Variants in NSG1 observed in about 807,000 individuals in gnomAD.
NSG1 encodes neuronal vesicle trafficking-associated protein 1.
Under a neutral mutation model 19.3 loss-of-function variants are expected in NSG1, and 9 were observed. The observed-to-expected ratio is 0.47, with a 90% CI of 0.28 to 0.81. The LOEUF (loss-of-function observed/expected upper bound fraction) is 0.81, where lower values mean the gene tolerates loss of function less well. Among genes scored for constraint, NSG1 ranks in the 40% least tolerant of loss-of-function variants. The pLI, the probability that NSG1 is intolerant of heterozygous loss-of-function variation, is 0.11. For synonymous variants in NSG1, 104 were observed against 107.0 expected, an observed-to-expected ratio of 0.97 and a Z score of 0.17; for missense variants, 236 against 242.4, an observed-to-expected ratio of 0.97 and a Z score of 0.18.
At chr4:4,408,186 G>A (rs962332591) in intron 3 of NSG1, among the ~76,000 whole-genome samples, 14 of 152,078 alleles carry the variant, frequency 9.2e-5, no homozygotes, top group South Asian at 4.1e-4. Context: ...GTTGAGCTTC[G>A]GGACTGCAGC....
At chr4:4,387,560 C>CCCGGG in intron 1 of NSG1, 44 bp from the exon 2 acceptor site, 1 of 1,148,802 alleles carries the variant, frequency 8.7e-7, no homozygotes, top group Non-Finnish European at 1.2e-6. Context: ...CCGCCCCGCC[C>CCCGGG]CGGGTCTTGC....
rs1319335068 is a variant in NSG1, at chr4:4,418,173, T to A, written c.*738T>A. The A allele has an allele frequency of 6.5e-6, 1 of 152,802 alleles. No individual in the cohort carries two copies. The highest frequency in any genetic ancestry group is 1.5e-5 in the Non-Finnish European group (1 of 68,528). 9.5% of individuals were successfully genotyped at this position (152,802 alleles called of 1,614,324 possible). A position where few individuals can be genotyped will look rare whatever the true frequency, so the allele number is the denominator to read the frequency against. On this transcript the variant is annotated 3_prime_UTR_variant, in exon 5 of 5. Transcript: ENST00000621129. Reference sequence around the variant, plus strand: ...GGAGAGGGCTGGGAAGAGACGGCCCTGGGCCCGTGAGGTGCAGAACTCTCC... The same window carrying A: ...GGAGAGGGCTGGGAAGAGACGGCCCAGGGCCCGTGAGGTGCAGAACTCTCC...
chr4:4,402,394 T>A (rs1394609325), intron 3 of NSG1, among the ~76,000 whole-genome samples: 41 of 109,196 alleles, frequency 3.8e-4, no homozygotes, highest in Non-Finnish European at 5.8e-4. Flanking sequence ...TTTTTTTTTT[T>A]TTTTTTTTTT....
At chr4:4,416,278 A>G in intron 4 of NSG1, 1 of 697,206 alleles carries the variant, frequency 1.4e-6, no homozygotes, top group Non-Finnish European at 2.6e-6. Context: ...GCCCCTGAAC[A>G]CTGGATGCGG....
Position 4,409,732 on chromosome 4 carries a change from T to C in NSG1, c.357+49T>C, listed in dbSNP as rs769940453. On this transcript the variant is annotated intron_variant, in intron 4 of 4. Coordinates refer to ENST00000621129, the MANE Select transcript of NSG1 (RefSeq NM_014392.5). ...GGCCCTGGGACGCCTTTGCACCCCA[T>C]GTTCTCTCCCTTGAACTCAAGGCTG... The C allele has an allele frequency of 1.7e-5, 25 of 1,431,430 alleles. 1 individual carries two copies. The Admixed American group carries it at 2.0e-4, about 12-fold the overall frequency. 88.7% of individuals were successfully genotyped at this position (1,431,430 alleles called of 1,614,324 possible). A position where few individuals can be genotyped will look rare whatever the true frequency, so the allele number is the denominator to read the frequency against.
rs1444250217 is a variant in NSG1, at chr4:4,388,255, T to C, written c.129+497T>C. 2.6e-5 allele frequency among the ~76,000 whole-genome samples: 4 copies of C among 152,206 alleles called. No individual in the cohort carries two copies. In the South Asian group the frequency reaches 6.2e-4, roughly 24 times the overall value. On this transcript the variant is annotated intron_variant, in intron 2 of 4. Transcript: ENST00000621129. The stretch of plus-strand genomic sequence containing the variant: ...TGTTCTCGCCCTTTCTGCCTGCCCC[T>C]GCCAGGCTGGCGCTAGGTGCAGGAG...
At chr4:4,410,347 G>A (rs747411801) in intron 4 of NSG1, among the ~76,000 whole-genome samples, 9 of 152,194 alleles carry the variant, frequency 5.9e-5, no homozygotes, top group East Asian at 1.9e-4. Flanking sequence ...AAGAGAAGAC[G>A]GAGCCAGGGG....
At chr4:4,396,936 C>A (rs1347476503) in intron 3 of NSG1, among the ~76,000 whole-genome samples, 4 of 152,068 alleles carry the variant, frequency 2.6e-5, no homozygotes, top group Non-Finnish European at 5.9e-5. Flanking sequence ...GCTATGCGAG[C>A]ATCTTGTAGG....
rs1724609831 is a variant in NSG1, at chr4:4,417,271, T to C, written c.394T>C (p.Tyr132His). The C allele has an allele frequency of 6.2e-7, 1 of 1,614,176 alleles. No individual in the cohort carries two copies. The highest frequency in any genetic ancestry group is 1.7e-5 in the Admixed American group (1 of 60,024). ...CATCCCAGAAGGCTTGGAGAGCTAC[T>C]ACGCGGAGCAAGACTCCAGTGCCCG... ...QCIPEGLESY[Y>H]AEQDSSAREK... Residue 132 changes from tyrosine to histidine, a missense_variant, in exon 5 of 5, where the codon TAC (tyrosine) becomes CAC (histidine). Tyr to His is a moderately conservative substitution (Grantham distance 83). Transcript: ENST00000621129.
intron 4 of NSG1, among the ~76,000 whole-genome samples, chr4:4,416,829 C>A (rs1245955466): frequency 6.6e-6 from 1 of 152,202 alleles, no homozygotes; most frequent in African/African-American, 2.4e-5. Flanking sequence ...CTAAGGTCTG[C>A]TGAGAACCTA....
intron 3 of NSG1, among the ~76,000 whole-genome samples, chr4:4,402,411 G>T (rs1041349206): frequency 2.3e-5 from 2 of 88,558 alleles, no homozygotes; most frequent in Non-Finnish European, 1.9e-5. Flanking sequence ...TTTTTGAGAC[G>T]GAGTCTTGCT....
intron 3 of NSG1, among the ~76,000 whole-genome samples, chr4:4,395,069 T>G (rs528602393): frequency 1.3e-5 from 2 of 152,220 alleles, no homozygotes; most frequent in Admixed American, 6.5e-5. Flanking sequence ...GGCTGGACTT[T>G]CGCAGCTGAA....
chr4:4,391,662 C>A, intron 3 of NSG1, 71 bp downstream of exon 3: 1 of 1,033,662 alleles, frequency 9.7e-7, no homozygotes, highest in Non-Finnish European at 1.4e-6. Flanking sequence ...GCATAGATGC[C>A]CTGCAGGGAG....
intron 3 of NSG1, among the ~76,000 whole-genome samples, chr4:4,396,878 G>A (rs1044288031): frequency 7.2e-5 from 11 of 152,064 alleles, no homozygotes; most frequent in Admixed American, 2.6e-4. Flanking sequence ...TCCCGTGGGG[G>A]TGGTATTGGA....
intron 4 of NSG1, chr4:4,415,918 G>A (rs904706975): frequency 2.9e-5 from 17 of 581,688 alleles, no homozygotes; most frequent in East Asian, 5.8e-5. Flanking sequence ...TGATGCACGC[G>A]CTGCTGGTCT....
chr4:4,390,859 A>G (rs905765280), intron 2 of NSG1, among the ~76,000 whole-genome samples: 2 of 150,536 alleles, frequency 1.3e-5, no homozygotes, highest in Non-Finnish European at 2.9e-5. Flanking sequence ...TTGGACAAAC[A>G]TCGTTCTGCT....
In NSG1 at chr4:4,417,234, G is replaced by C; in HGVS notation, c.358-1G>C. 5.6e-6 allele frequency: 9 copies of C among 1,613,676 alleles called. No individual in the cohort carries two copies. The highest frequency in any genetic ancestry group is 1.7e-5 in the Admixed American group (1 of 60,006). On this transcript the variant is annotated splice_acceptor_variant, in intron 4 of 4. Coordinates refer to ENST00000621129, the MANE Select transcript of NSG1 (RefSeq NM_014392.5). LOFTEE classifies it high-confidence loss of function. The stretch of plus-strand genomic sequence containing the variant: ...GCTCTCAGTGGCCTCTTGTCTTTCA[G>C]AACACCCAGTGCATCCCAGAAGGCT...
chr4:4,413,430 G>T (rs1724333708), intron 4 of NSG1, among the ~76,000 whole-genome samples: 2 of 151,306 alleles, frequency 1.3e-5, no homozygotes, highest in Non-Finnish European at 2.9e-5. Flanking sequence ...CCTAGGCTGG[G>T]GCTGGGAGAG....
At chr4:4,399,494 A>T (rs932248867) in intron 3 of NSG1, among the ~76,000 whole-genome samples, 11 of 9,484 alleles carry the variant, frequency 1.2e-3, no homozygotes, top group Non-Finnish European at 3.3e-3. Flanking sequence ...GGATATATAT[A>T]AGCCCTTGTA....
Sources: gnomAD v4.1 joint callset for allele counts (sites outside exome capture counted in the v4.1 genomes callset) on GRCh38, gnomAD v4.1.1 for gene constraint, MANE v1.5 for transcripts, NCBI Gene and HGNC (gene_info 2026-07-23, HGNC 2026-07-21) for gene names.